The following PCDHGA2 variants were observed in gnomAD, a reference collection of about 807,000 sequenced individuals.
PCDHGA2 encodes the protein protocadherin gamma subfamily A, 2.
Under a neutral mutation model 59.2 loss-of-function variants are expected in PCDHGA2, and 40 were observed. The ratio of observed to expected loss-of-function variants is 0.68; its 90% confidence interval spans 0.52 to 0.88. PCDHGA2 has a LOEUF of 0.88. Among genes scored for constraint, PCDHGA2 ranks in the 40% least tolerant of loss-of-function variants. The pLI is 0.00. For missense variants in PCDHGA2, 1,226 were observed against 1,204.0 expected (o/e 1.02, Z -0.27); for synonymous variants, 560 against 526.0 (o/e 1.06, Z -0.89).
At chr5:141,433,358 CCTATCTATCTATCTATCTAT>C (rs3074541) in intron 1 of PCDHGA2, 19 of 503,934 alleles carry the variant, frequency 3.8e-5, no homozygotes, top group South Asian at 2.3e-4. Flanking sequence ...CTACTGTCTG[CCTATCTATCTATCTATCTAT>C]CTATCTATCT....
chr5:141,475,768 G>A (rs756539564), intron 1 of PCDHGA2, among the ~76,000 whole-genome samples: 5 of 152,280 alleles, frequency 3.3e-5, no homozygotes, highest in South Asian at 2.1e-4. Flanking sequence ...TACTGGCAAG[G>A]CGCTTTGGCT....
chr5:141,450,413 T>G (rs549247554), intron 1 of PCDHGA2, among the ~76,000 whole-genome samples: 1 of 152,334 alleles, frequency 6.6e-6, no homozygotes, highest in African/African-American at 2.4e-5. Context: ...GCCATTTGTC[T>G]TGTATAATGC....
chr5:141,492,332 G>A (rs2099739439), intron 1 of PCDHGA2, among the ~76,000 whole-genome samples: 1 of 152,204 alleles, frequency 6.6e-6, no homozygotes. Flanking sequence ...GGGCTTACGC[G>A]AATACCAGCT....
chr5:141,355,388 G>A (rs775462698), intron 1 of PCDHGA2: 41 of 1,613,938 alleles, frequency 2.5e-5, no homozygotes, highest in South Asian at 5.5e-5. Context: ...GCGGAGCGCG[G>A]AGTCCGCATC....
intron 1 of PCDHGA2, chr5:141,370,706 G>T (rs536075571): frequency 1.2e-5 from 19 of 1,613,790 alleles, no homozygotes; most frequent in Middle Eastern, 1.6e-4. Context: ...CGTGTGTTCT[G>T]GAATTTGAAA....
chr5:141,418,670 G>T (rs767728571), intron 1 of PCDHGA2: 2 of 1,614,042 alleles, frequency 1.2e-6, no homozygotes, highest in Non-Finnish European at 1.7e-6. Context: ...TGACCAGGAC[G>T]AGGGCATCAA....
intron 1 of PCDHGA2, chr5:141,364,162 G>T (rs1431333863): frequency 1.5e-6 from 1 of 667,104 alleles, no homozygotes; most frequent in Non-Finnish European, 2.2e-6. Context: ...CCGCAGAGGC[G>T]ACCCGACTCT....
chr5:141,403,627 A>G lies in PCDHGA2; in HGVS notation c.2424+62232A>G, dbSNP rs1187522360. ...GCGGCGAGCCGCGTCGCTCCAGCAC[A>G]GTGCGCATCCATGTGACAGTGTTGG... On this transcript the variant is annotated intron_variant, in intron 1 of 3. Coordinates refer to ENST00000394576, the MANE Select transcript of PCDHGA2 (RefSeq NM_018915.4). 4 of 1,613,922 alleles carry G rather than the reference A, an allele frequency of 2.5e-6. No individual in the cohort carries two copies. The East Asian group carries it at 8.9e-5, about 36-fold the overall frequency.
chr5:141,430,897 C>T, intron 1 of PCDHGA2: 1 of 1,605,442 alleles, frequency 6.2e-7, no homozygotes, highest in Non-Finnish European at 8.5e-7. Context: ...CTAGGGTGGG[C>T]GACATCTCCA....
chr5:141,403,620 C>T (rs1561689160), intron 1 of PCDHGA2: 1 of 1,613,916 alleles, frequency 6.2e-7, no homozygotes, highest in Non-Finnish European at 8.5e-7. Context: ...CCGCGTCGCT[C>T]CAGCACAGTG....
At chr5:141,402,284 T>C (rs2150926780) in intron 1 of PCDHGA2, among the ~76,000 whole-genome samples, 1 of 152,054 alleles carries the variant, frequency 6.6e-6, no homozygotes, top group African/African-American at 2.4e-5. Context: ...GGATAATCTA[T>C]CCTTATATAT....
intron 1 of PCDHGA2, chr5:141,345,642 A>C: frequency 6.2e-7 from 1 of 1,614,214 alleles, no homozygotes; most frequent in Non-Finnish European, 8.5e-7. Context: ...AGCCAGCGAC[A>C]GCGGGAACCC....
rs775918752 is a variant in PCDHGA2 at position 141,375,143 on chromosome 5, A to G, written c.2424+33748A>G. On this transcript the variant is annotated intron_variant, in intron 1 of 3. Transcript: ENST00000394576. Reference sequence around the variant, plus strand: ...AGAAGTGGTTGTTACATCTGGAAGCAGAACAATTGCTGAAAGTGCACCTCC... The same window carrying G: ...AGAAGTGGTTGTTACATCTGGAAGCGGAACAATTGCTGAAAGTGCACCTCC... 20 of 1,613,992 alleles carry G rather than the reference A, an allele frequency of 1.2e-5. No homozygotes were observed. The Admixed American group carries it at 2.8e-4, about 23-fold the overall frequency.
intron 1 of PCDHGA2, chr5:141,418,548 T>C: frequency 6.2e-7 from 1 of 1,613,964 alleles, no homozygotes; most frequent in Non-Finnish European, 8.5e-7. Flanking sequence ...CAGATAAGAA[T>C]CCTGGTAATA....
At chr5:141,474,117 A>C (rs748431734) in intron 1 of PCDHGA2, among the ~76,000 whole-genome samples, 11 of 152,186 alleles carry the variant, frequency 7.2e-5, no homozygotes, top group Non-Finnish European at 1.2e-4. Context: ...ACAACAACGA[A>C]AATCTCAGAA....
Position 141,476,091 on chromosome 5 carries a change from G to T in PCDHGA2, c.2425-18716G>T, listed in dbSNP as rs1470774975. The T allele has an allele frequency of 1.3e-6, 2 of 1,563,074 alleles. No homozygotes were observed. Among genetic ancestry groups the T allele is most frequent in the Non-Finnish European group, 1.7e-6 (2 of 1,159,286 alleles). On this transcript the variant is annotated intron_variant, in intron 1 of 3. Coordinates refer to ENST00000394576, the MANE Select transcript of PCDHGA2 (RefSeq NM_018915.4). This position sits in a 1 kb window ranked among gnomAD's most constrained non-coding sequence, Gnocchi z 7.6. ...AAATCTCAGGGACGATCTGGACCCC[G>T]CTGAGAGGAACTGCTTTTGAGTGAG...
intron 1 of PCDHGA2, chr5:141,399,649 G>T: frequency 1.2e-6 from 2 of 1,613,794 alleles, no homozygotes; most frequent in African/African-American, 1.3e-5. Flanking sequence ...CGCGCAAAGT[G>T]GGGTGGTGTT....
chr5:141,497,812 T>C (rs947015544), intron 2 of PCDHGA2, among the ~76,000 whole-genome samples: 2 of 152,202 alleles, frequency 1.3e-5, no homozygotes, highest in African/African-American at 4.8e-5. Flanking sequence ...AGTGCTAGAA[T>C]TACAGGTGTG....
intron 1 of PCDHGA2, chr5:141,390,163 C>A: frequency 1.2e-6 from 2 of 1,613,992 alleles, no homozygotes; most frequent in South Asian, 1.1e-5. Flanking sequence ...ACAGGAAAGA[C>A]GGAGTTTAAT....
Sources: gnomAD v4.1 joint callset for allele counts (sites outside exome capture counted in the v4.1 genomes callset) on GRCh38, gnomAD v4.1.1 for gene constraint, Gnocchi (gnomAD v3.1) non-coding constraint, MANE v1.5 for transcripts, NCBI Gene and HGNC (gene_info 2026-07-23, HGNC 2026-07-21) for gene names.